Variants in KCND2 observed in about 807,000 individuals in gnomAD.
The protein encoded by KCND2 is A-type voltage-gated potassium channel KCND2.
KCND2 carries 16 observed loss-of-function variants against 54.4 expected under a neutral mutation model. The observed-to-expected ratio is 0.29, with a 90% confidence interval of 0.20 to 0.45. KCND2 has a LOEUF of 0.45. KCND2 is among the 20% of genes least tolerant of loss of function. The pLI, the probability that KCND2 is intolerant of heterozygous loss-of-function variation, is 1.00. For missense variants in KCND2, 486 were observed against 824.2 expected (o/e 0.59, Z 5.02); for synonymous variants, 317 against 310.7 (o/e 1.02, Z -0.21).
intron 1 of KCND2, among the ~76,000 whole-genome samples, chr7:120,287,825 A>G (rs776516577): frequency 6.6e-6 from 1 of 152,140 alleles, no homozygotes; most frequent in Non-Finnish European, 1.5e-5. Flanking sequence ...CCTGGGTGAC[A>G]GAGTGAAACT....
chr7:120,647,090 A>G (rs1011682027), intron 1 of KCND2, among the ~76,000 whole-genome samples: 14 of 152,212 alleles, frequency 9.2e-5, no homozygotes, highest in Admixed American at 7.9e-4. Context: ...CAGGTCTTGA[A>G]CTGTTTTTAC....
chr7:120,496,951 C>T (rs1010480469), intron 1 of KCND2, among the ~76,000 whole-genome samples: 4 of 152,040 alleles, frequency 2.6e-5, no homozygotes, highest in South Asian at 2.1e-4. Flanking sequence ...ATTCATTATT[C>T]GATACCATGA....
chr7:120,634,329 T>G (rs972274968), intron 1 of KCND2, among the ~76,000 whole-genome samples: 4 of 152,160 alleles, frequency 2.6e-5, no homozygotes, highest in Non-Finnish European at 5.9e-5. Flanking sequence ...TACATAATGA[T>G]TGGGTAGTAT....
intron 1 of KCND2, among the ~76,000 whole-genome samples, chr7:120,314,818 A>G (rs1204898937): frequency 6.6e-6 from 1 of 152,202 alleles, no homozygotes; most frequent in Non-Finnish European, 1.5e-5. Flanking sequence ...CACATTGAAT[A>G]TGAAAGTATA....
At chr7:120,323,500 C>A (rs2116333974) in intron 1 of KCND2, among the ~76,000 whole-genome samples, 2 of 150,964 alleles carry the variant, frequency 1.3e-5, no homozygotes, top group East Asian at 2.0e-4. Context: ...TTCCTGTGTC[C>A]ATGTGATCTC....
chr7:120,513,694 GT>G (rs1324040398), intron 1 of KCND2, among the ~76,000 whole-genome samples: 16 of 151,694 alleles, frequency 1.1e-4, no homozygotes, highest in Admixed American at 3.3e-4. Flanking sequence ...TTTTTTGTTT[GT>G]TTTTTACTTT....
chr7:120,639,175 G>T (rs1793341769), intron 1 of KCND2, among the ~76,000 whole-genome samples: 1 of 152,038 alleles, frequency 6.6e-6, no homozygotes, highest in Non-Finnish European at 1.5e-5. Flanking sequence ...TTGGGGAAGA[G>T]GTCTCCTTTT....
At chr7:120,469,332 G>A (rs1409722810) in intron 1 of KCND2, among the ~76,000 whole-genome samples, 5 of 152,044 alleles carry the variant, frequency 3.3e-5, no homozygotes, top group East Asian at 3.9e-4. Flanking sequence ...TTTCATCCAC[G>A]AGTGGCATAT....
chr7:120,678,775 T>TAC (rs1235111519), intron 1 of KCND2, among the ~76,000 whole-genome samples: 11 of 111,358 alleles, frequency 9.9e-5, no homozygotes, highest in African/African-American at 3.4e-4. Context: ...TATATATATA[T>TAC]ATACACATAA....
intron 1 of KCND2, among the ~76,000 whole-genome samples, chr7:120,463,054 T>A (rs1259674921): frequency 1.3e-5 from 2 of 152,082 alleles, no homozygotes; most frequent in Admixed American, 6.6e-5. Flanking sequence ...CATAAGCTTA[T>A]TCATTCTCTT....
At chr7:120,532,588 A>G (rs2116366587) in intron 1 of KCND2, among the ~76,000 whole-genome samples, 1 of 152,116 alleles carries the variant, frequency 6.6e-6, no homozygotes, top group South Asian at 2.1e-4. Flanking sequence ...AAACTGAAAT[A>G]AAAAGATCAT....
At chr7:120,470,573 T>C (rs1396782872) in intron 1 of KCND2, among the ~76,000 whole-genome samples, 2 of 152,156 alleles carry the variant, frequency 1.3e-5, no homozygotes, top group African/African-American at 4.8e-5. Context: ...CATAAACTTT[T>C]TAACTATCTG....
intron 1 of KCND2, among the ~76,000 whole-genome samples, chr7:120,499,348 G>A (rs556535923): frequency 5.3e-4 from 81 of 151,450 alleles, no homozygotes; most frequent in African/African-American, 1.8e-3. Flanking sequence ...ATTTGTGTTA[G>A]CCTATTCATT....
chr7:120,534,683 T>A (rs1791881055), intron 1 of KCND2, among the ~76,000 whole-genome samples: 1 of 152,170 alleles, frequency 6.6e-6, no homozygotes, highest in South Asian at 2.1e-4. Context: ...TAATATAAGA[T>A]GCTGGCAATA....
intron 1 of KCND2, among the ~76,000 whole-genome samples, chr7:120,550,283 A>G (rs927800437): frequency 6.6e-6 from 1 of 152,096 alleles, no homozygotes; most frequent in African/African-American, 2.4e-5. Context: ...CATGCAGTGA[A>G]TAGAATTATT....
At position 120,499,253 on chromosome 7, in the gene KCND2, T is replaced by C. The variant is rs572481481; in HGVS notation, c.1115+223506T>C. On this transcript the variant is annotated intron_variant, in intron 1 of 5. Transcript: ENST00000331113. ...TACAAAGCCAGCTTCTATGAACTTA[T>C]GGAAATTAATGAGTATTCAAAAATA... Among the ~76,000 whole-genome samples the C allele has an allele frequency of 3.5e-4, 54 of 152,324 alleles. 1 individual carries two copies. In the East Asian group the frequency reaches 0.01, roughly 29 times the overall value.
intron 1 of KCND2, among the ~76,000 whole-genome samples, chr7:120,384,481 T>C (rs1800959370): frequency 6.6e-6 from 1 of 152,138 alleles, no homozygotes; most frequent in Non-Finnish European, 1.5e-5. Context: ...CATCTTAAGC[T>C]CCTACCCCTG....
chr7:120,704,853 A>T (rs1792446346), intron 1 of KCND2, among the ~76,000 whole-genome samples: 1 of 152,186 alleles, frequency 6.6e-6, no homozygotes, highest in Admixed American at 6.6e-5. Context: ...GTTTAGAAAT[A>T]ATGCATGTAG....
intron 1 of KCND2, among the ~76,000 whole-genome samples, chr7:120,707,990 G>A (rs558236602): frequency 1.2e-4 from 18 of 151,780 alleles, no homozygotes; most frequent in Non-Finnish European, 2.6e-4. Context: ...GATACAAGAG[G>A]TTTTTTCAGG....
Sources: gnomAD v4.1 joint callset for allele counts (sites outside exome capture counted in the v4.1 genomes callset) on GRCh38, gnomAD v4.1.1 for gene constraint, MANE v1.5 for transcripts, NCBI Gene and HGNC (gene_info 2026-07-23, HGNC 2026-07-21) for gene names.